Variants in NAP1L1 observed in about 807,000 individuals in gnomAD.
NAP1L1 encodes nucleosome assembly protein 1-like 1.
A neutral mutation model predicts 58.9 loss-of-function variants in NAP1L1; 9 were observed. That is an observed-to-expected ratio of 0.15 (90% CI 0.09 to 0.27). The LOEUF is 0.27. Ranked by LOEUF, NAP1L1 falls within the 10% of genes least tolerant of loss-of-function variation. The pLI is 1.00. For missense variants in NAP1L1, 302 were observed against 458.8 expected, an observed-to-expected ratio of 0.66 and a Z score of 3.12; for synonymous variants, 130 against 138.3, an observed-to-expected ratio of 0.94 and a Z score of 0.42.
chr12:76,052,538 T>G (rs1313856389), intron 11 of NAP1L1, among the ~76,000 whole-genome samples: 1 of 152,172 alleles, frequency 6.6e-6, no homozygotes, highest in Non-Finnish European at 1.5e-5. Flanking sequence ...TTAAACTATC[T>G]CAGTTAATTT....
chr12:76,080,915 G>A (rs1950378144), intron 1 of NAP1L1, among the ~76,000 whole-genome samples: 3 of 152,100 alleles, frequency 2.0e-5, no homozygotes, highest in Non-Finnish European at 4.4e-5. Flanking sequence ...TCCCACCAGG[G>A]GAGCTGGAGA....
intron 2 of NAP1L1, among the ~76,000 whole-genome samples, chr12:76,070,029 A>G (rs1168011867): frequency 6.6e-6 from 1 of 152,228 alleles, no homozygotes; most frequent in Non-Finnish European, 1.5e-5. Context: ...GGGACAAATA[A>G]TGACTTAATT....
rs1415430091 is a variant in NAP1L1 at position 76,038,935 on chromosome 12, A to C, written c.*9494T>G. 6.6e-6 allele frequency: 1 copy of C among 152,156 alleles called. No individual in the cohort carries two copies. The highest frequency in any genetic ancestry group is 2.4e-5 in the African/African-American group (1 of 41,412). The allele number at this position is 152,156 out of a possible 1,614,324, so 9.4% of individuals were successfully genotyped here. On this transcript the variant is annotated 3_prime_UTR_variant, in exon 15 of 15. Transcript: ENST00000618691. ...TTGTCTCAACCTAATTTGTGCATGCATGGTTCTGAGAAAGGTTATCATGCA... is the reference window on the plus strand; with the variant it reads ...TTGTCTCAACCTAATTTGTGCATGCCTGGTTCTGAGAAAGGTTATCATGCA...
Position 76,047,478 on chromosome 12 carries a change from GCTGGTAC to G in NAP1L1, c.*944_*950del, listed in dbSNP as rs1948638602. On this transcript the variant is annotated 3_prime_UTR_variant, in exon 15 of 15. Coordinates refer to ENST00000618691, the MANE Select transcript of NAP1L1 (RefSeq NM_004537.7). ...TATTAGTATAGCATCTCGTTCCAAA[GCTGGTAC>G]CTTTTCTTCAACAATGTGTTAAAAA... is the stretch of plus-strand genomic sequence containing the variant. The G allele has an allele frequency of 7.0e-6, 1 of 143,296 alleles. No homozygotes were observed. The highest frequency in any genetic ancestry group is 1.5e-5 in the Non-Finnish European group (1 of 66,590). 8.9% of individuals were successfully genotyped at this position (143,296 alleles called of 1,614,324 possible).
At position 76,039,308 on chromosome 12, in the gene NAP1L1, C is replaced by T. The variant is rs1160787902; in HGVS notation, c.*9121G>A. ...TAGCCTCCTTCAGCCCATCCTGTAC[C>T]TTGAACCTGGACATGATGTATAGAG... On this transcript the variant is annotated 3_prime_UTR_variant, in exon 15 of 15. Transcript: ENST00000618691. 6.6e-6 allele frequency: 1 copy of T among 152,098 alleles called. No individual in the cohort carries two copies. The highest frequency in any genetic ancestry group is 1.5e-5 in the Non-Finnish European group (1 of 68,024). The allele number at this position is 152,098 out of a possible 1,614,324, so 9.4% of individuals were successfully genotyped here.
rs1169249380 is a variant in NAP1L1 at position 76,055,032 on chromosome 12, G to A, written c.617C>T (p.Ala206Val). The A allele has an allele frequency of 6.2e-7, 1 of 1,605,142 alleles. No homozygotes were observed. The highest frequency in any genetic ancestry group is 2.2e-5 in the East Asian group (1 of 44,626). ...LKDIKVKFSD[A>V]GQPMSFVLEF... ...AAGTTCTTTTACCATAGGCTGGCCA[G>A]CATCTGAGAACTTCACTTTAATATC... Residue 206 changes from alanine (A) to valine (V), a missense_variant, in exon 8 of 15, where the codon GCT (alanine) becomes GTT (valine). Physicochemically the swap from Ala to Val is moderately conservative, Grantham distance 64. Coordinates refer to ENST00000618691, the MANE Select transcript of NAP1L1 (RefSeq NM_004537.7).
At chr12:76,082,203 C>G (rs1383385230) in intron 1 of NAP1L1, among the ~76,000 whole-genome samples, 1 of 152,048 alleles carries the variant, frequency 6.6e-6, no homozygotes, top group Non-Finnish European at 1.5e-5. Context: ...CTTTGAAGTC[C>G]AACAGATACT....
At chr12:76,083,495 A>AC (rs71440429) in intron 1 of NAP1L1, among the ~76,000 whole-genome samples, 2 of 138,514 alleles carry the variant, frequency 1.4e-5, no homozygotes, top group African/African-American at 5.3e-5. Context: ...AAAAAAAAAA[A>AC]CCTCATGAAT....
Position 76,043,891 on chromosome 12 carries a change from G to A in NAP1L1, c.*4538C>T, listed in dbSNP as rs1331555655. 2 of 152,182 alleles carry A rather than the reference G, an allele frequency of 1.3e-5. No homozygotes were observed. The highest frequency in any genetic ancestry group is 2.9e-5 in the Non-Finnish European group (2 of 68,036). The allele number at this position is 152,182 out of a possible 1,614,324, so 9.4% of individuals were successfully genotyped here. ...AATACATTATGAATGATAAAATTAT[G>A]AATAAGACCTTCAACTCTGGATATG... is the stretch of plus-strand genomic sequence containing the variant. On this transcript the variant is annotated 3_prime_UTR_variant, in exon 15 of 15. Transcript: ENST00000618691.
intron 11 of NAP1L1, among the ~76,000 whole-genome samples, chr12:76,051,690 A>G (rs2136964694): frequency 6.6e-6 from 1 of 152,286 alleles, no homozygotes; most frequent in South Asian, 2.1e-4. Flanking sequence ...ATAGAAAAGC[A>G]CAGGGCAAAA....
Position 76,053,238 on chromosome 12 carries a change from C to A in NAP1L1, c.883G>T (p.Asp295Tyr). The A allele has an allele frequency of 1.9e-6, 3 of 1,613,988 alleles. No individual in the cohort carries two copies. The highest frequency in any genetic ancestry group is 2.5e-6 in the Non-Finnish European group (3 of 1,179,946). ...GGGGCAAAAAAGTTAAAGAAAGAGTCATTGGAAACTGTTTTAGTCACAGTA... is the reference window on the plus strand; with the variant it reads ...GGGGCAAAAAAGTTAAAGAAAGAGTAATTGGAAACTGTTTTAGTCACAGTA... The part of the protein sequence containing the change: ...VRTVTKTVSN[D>Y]SFFNFFAPPE... The change falls in exon 10 of 15, where the codon GAC becomes TAC. Residue 295 changes from aspartate to tyrosine, a missense_variant. Asp to Tyr is a radical substitution (Grantham distance 160). Coordinates refer to ENST00000618691, the MANE Select transcript of NAP1L1 (RefSeq NM_004537.7).
In NAP1L1 at chr12:76,058,191, C is replaced by CTTCATATATATATATATATATATATATA. The variant is rs1243475241; in HGVS notation, c.429+1606_429+1607insTATATATATATATATATATATATATGAA. 7.3e-5 allele frequency: 23 copies of CTTCATATATATATATATATATATATATA among 315,404 alleles called. 2 individuals carry two copies. In the African/African-American group the frequency reaches 1.0e-3, roughly 14 times the overall value. The allele number at this position is 315,404 out of a possible 1,614,324, so 19.5% of individuals were successfully genotyped here. A position where few individuals can be genotyped will look rare whatever the true frequency, so the allele number is the denominator to read the frequency against. On this transcript the variant is annotated intron_variant, in intron 6 of 14. Coordinates refer to ENST00000618691, the MANE Select transcript of NAP1L1 (RefSeq NM_004537.7). ...TAGATATGGCCAAAGGGAGAGAGGCCTACATATATATATATATATATATAT... is the reference window on the plus strand; with the variant it reads ...TAGATATGGCCAAAGGGAGAGAGGCCTTCATATATATATATATATATATATATATACATATATATATATATATATATAT...
intron 1 of NAP1L1, among the ~76,000 whole-genome samples, chr12:76,078,381 T>C (rs1950279006): frequency 6.6e-6 from 1 of 152,166 alleles, no homozygotes; most frequent in Non-Finnish European, 1.5e-5. Flanking sequence ...CCCTGGTATA[T>C]TCAGACACCT....
chr12:76,057,628 G>A lies in NAP1L1; in HGVS notation c.430-1467C>T, dbSNP rs538837834. On this transcript the variant is annotated intron_variant, in intron 6 of 14. Transcript: ENST00000618691. The stretch of plus-strand genomic sequence containing the variant: ...GTTAGATGCTGATTACCTACTTTGA[G>A]TCCTTTATTGTGGAGTCTGTTCATT... 26 of 1,312,134 alleles carry A rather than the reference G, an allele frequency of 2.0e-5. No individual in the cohort carries two copies. In the South Asian group the frequency reaches 3.2e-4, roughly 16 times the overall value. The allele number at this position is 1,312,134 out of a possible 1,614,324, so 81.3% of individuals were successfully genotyped here.
chr12:76,083,551 A>T (rs1436015596), intron 1 of NAP1L1, among the ~76,000 whole-genome samples: 3 of 151,986 alleles, frequency 2.0e-5, no homozygotes, highest in Middle Eastern at 3.4e-3. Flanking sequence ...CGGGTTGGAC[A>T]AGCTTGGTTT....
chr12:76,037,108 G>A lies in NAP1L1; in HGVS notation c.*11321C>T, dbSNP rs1392916644. The A allele has an allele frequency of 1.3e-5, 2 of 152,112 alleles. No homozygotes were observed. Among genetic ancestry groups the A allele is most frequent in the Non-Finnish European group, 2.9e-5 (2 of 68,012 alleles). 9.4% of individuals were successfully genotyped at this position (152,112 alleles called of 1,614,324 possible). On this transcript the variant is annotated 3_prime_UTR_variant, in exon 15 of 15. Coordinates refer to ENST00000618691, the MANE Select transcript of NAP1L1 (RefSeq NM_004537.7). ...ATAAATAAACAAATAGTCTCACAGA[G>A]TGCAGTTTAGACTTCTTAGCCTTAT...
intron 6 of NAP1L1, chr12:76,059,597 T>C (rs1949306598): frequency 8.0e-6 from 4 of 498,454 alleles, no homozygotes; most frequent in East Asian, 3.7e-5. Flanking sequence ...CCGCTGCTTA[T>C]TGCCATGCAA....
At chr12:76,077,930 C>A (rs1232958756) in intron 1 of NAP1L1, among the ~76,000 whole-genome samples, 1 of 141,460 alleles carries the variant, frequency 7.1e-6, no homozygotes. Context: ...CTGCAGTGAG[C>A]CGAGATCACA....
chr12:76,069,866 A>T (rs1949863730), intron 2 of NAP1L1, among the ~76,000 whole-genome samples: 1 of 152,152 alleles, frequency 6.6e-6, no homozygotes, highest in Non-Finnish European at 1.5e-5. Context: ...TGAACATGAG[A>T]TTACATCTAG....
Sources: allele counts gnomAD v4.1 joint callset (sites outside exome capture counted in the v4.1 genomes callset), GRCh38; gene constraint gnomAD v4.1.1; transcripts MANE v1.5; gene names NCBI Gene and HGNC (gene_info 2026-07-23, HGNC 2026-07-21).